Variants in ACAD8 observed in about 807,000 individuals in gnomAD.
ACAD8 encodes isobutyryl-CoA dehydrogenase, mitochondrial.
ACAD8 carries 47 observed loss-of-function variants against 53.1 expected under a neutral mutation model. The ratio of observed to expected loss-of-function variants is 0.89; its 90% CI spans 0.70 to 1.13. The LOEUF (loss-of-function observed/expected upper bound fraction) is 1.13. Ranked by LOEUF, ACAD8 falls within the 50% of genes most tolerant of loss-of-function variation. ACAD8 has a pLI of 0.00. For synonymous variants in ACAD8, 198 were observed against 201.3 expected (o/e 0.98, Z 0.14); for missense variants, 494 against 535.0 (o/e 0.92, Z 0.76).
chr11:134,255,107 T>A (rs1366304853), intron 1 of ACAD8, among the ~76,000 whole-genome samples: 2 of 152,234 alleles, frequency 1.3e-5, no homozygotes, highest in Non-Finnish European at 2.9e-5. Context: ...TTGCTAGGAT[T>A]GAAATAGTCA....
chr11:134,256,598 G>A lies in ACAD8; in HGVS notation c.160G>A (p.Asp54Asn). ...GAAAGAATTTCAAAAAGTGGCCTTT[G>A]ACTTTGCTGCCCGAGAGATGGCTCC... is the stretch of plus-strand genomic sequence containing the variant. ...EQKEFQKVAF[D>N]FAAREMAPNM... Residue 54 changes from aspartate (D) to asparagine (N), a missense_variant, in exon 2 of 11, where the codon GAC becomes AAC. Physicochemically the swap from Asp to Asn is conservative, Grantham distance 23 (BLOSUM62 1). Transcript: ENST00000281182. 1 of 1,614,200 alleles carries A rather than the reference G, an allele frequency of 6.2e-7. No homozygotes were observed. Among genetic ancestry groups the A allele is most frequent in the Non-Finnish European group, 8.5e-7 (1 of 1,180,034 alleles).
rs7943666 is a variant in ACAD8 at position 134,261,615 on chromosome 11, A to G, written c.940-123A>G. On this transcript the variant is annotated intron_variant, in intron 8 of 10. Transcript: ENST00000281182. This position sits in a 1 kb window ranked among gnomAD's most constrained non-coding sequence, Gnocchi z 4.2. The stretch of plus-strand genomic sequence containing the variant: ...ATAAATTTCCTCTATAGAAAAAGCA[A>G]GAGACTTTGAAGCTTTGGATCACTT... 0.078 allele frequency: 121,439 copies of G among 1,561,716 alleles called. 5,132 individuals carry two copies. Among genetic ancestry groups the G allele is most frequent in the Middle Eastern group, 0.089 (536 of 6,006 alleles).
intron 2 of ACAD8, 94 bp downstream of exon 2, chr11:134,256,742 C>T (rs1939550934): frequency 6.3e-6 from 7 of 1,109,900 alleles, no homozygotes; most frequent in South Asian, 3.0e-5. Flanking sequence ...TTAAATGTCT[C>T]CTCCACTTAC....
chr11:134,259,220 TTC>T (rs1196201366), intron 5 of ACAD8, 136 bp downstream of exon 5: 1 of 787,422 alleles, frequency 1.3e-6, no homozygotes, highest in Admixed American at 2.0e-5. Context: ...TCTGACCCAT[TTC>T]TCTTTCTTTA....
Position 134,259,623 on chromosome 11 carries a change from G to A in ACAD8, c.583G>A (p.Ala195Thr). 6 of 1,614,184 alleles carry A rather than the reference G, an allele frequency of 3.7e-6. No individual in the cohort carries two copies. Among genetic ancestry groups the A allele is most frequent in the Non-Finnish European group, 5.1e-6 (6 of 1,180,032 alleles). The change falls in exon 6 of 11, where the codon GCT becomes ACT. Residue 195 changes from alanine (A) to threonine (T), a missense_variant. Ala to Thr is a moderately conservative substitution (Grantham distance 58). Transcript: ENST00000281182. ...ACCCCCACAGGCCTTCATCAGTGGT[G>A]CTGGTGAGTCAGACATCTATGTGGT... ...LNGSKAFISG[A>T]GESDIYVVMC...
intron 3 of ACAD8, chr11:134,257,651 G>A (rs985864070): frequency 1.2e-4 from 35 of 296,264 alleles, no homozygotes; most frequent in African/African-American, 7.4e-4. Flanking sequence ...CAGCCTGGGC[G>A]ACAGAGCGAG....
intron 3 of ACAD8, chr11:134,257,996 C>T (rs1438607861): frequency 1.0e-5 from 2 of 194,168 alleles, no homozygotes; most frequent in African/African-American, 2.4e-5. Context: ...ATTACAGGCA[C>T]GTGCCACCAC....
rs1940135077 is a variant in ACAD8, at chr11:134,265,720, C to A, written c.*760C>A. On this transcript the variant is annotated 3_prime_UTR_variant, in exon 11 of 11. Coordinates refer to ENST00000281182, the MANE Select transcript of ACAD8 (RefSeq NM_014384.3). Reference sequence around the variant, plus strand: ...TCCTCCTTTTAAATATTTTTAATCACATTGATAAAATCTATCCTTCACCAC... The same window carrying A: ...TCCTCCTTTTAAATATTTTTAATCAAATTGATAAAATCTATCCTTCACCAC... 6.6e-6 allele frequency: 1 copy of A among 152,136 alleles called. No individual in the cohort carries two copies. The highest frequency in any genetic ancestry group is 6.5e-5 in the Admixed American group (1 of 15,274). 9.4% of individuals were successfully genotyped at this position (152,136 alleles called of 1,614,324 possible).
intron 1 of ACAD8, 141 bp from the exon 2 acceptor site, chr11:134,256,407 C>A: frequency 1.4e-6 from 1 of 697,446 alleles, no homozygotes; most frequent in Non-Finnish European, 2.6e-6. Context: ...AGCTGCCATT[C>A]TCTAGCTGTT....
chr11:134,257,123 C>T lies in ACAD8; in HGVS notation c.246C>T (p.Ala82=). 1 of 1,614,148 alleles carries T rather than the reference C, an allele frequency of 6.2e-7. No homozygotes were observed. The change falls in exon 3 of 11, where the codon GCC becomes GCT. Residue 82 remains alanine (A), a synonymous_variant. Transcript: ENST00000281182. ...CAGTGGATGTGATGCGGAAGGCAGC[C>T]CAGCTAGGCTTCGGAGGGGTCTACA... is the stretch of plus-strand genomic sequence containing the variant. ...LFPVDVMRKA[A]QLGFGGVYIQ...
Position 134,258,561 on chromosome 11 carries a change from C to T in ACAD8, c.427C>T (p.His143Tyr). The change falls in exon 4 of 11, where the codon CAC (histidine) becomes TAC (tyrosine). Residue 143 changes from histidine (H) to tyrosine (Y), a missense_variant. By Grantham distance (83) the His-to-Tyr change is moderately conservative. Coordinates refer to ENST00000281182, the MANE Select transcript of ACAD8 (RefSeq NM_014384.3). Reference protein sequence around the residue: ...IDSFGNEEQRHKFCPPLCTME... With the variant: ...IDSFGNEEQRYKFCPPLCTME... ...TAGCTTCGGAAATGAGGAACAGAGG[C>T]ACAAATTTTGCCCACCGCTCTGTAC... The T allele has an allele frequency of 1.2e-6, 2 of 1,613,990 alleles. No individual in the cohort carries two copies. The highest frequency in any genetic ancestry group is 4.5e-5 in the East Asian group (2 of 44,874).
In ACAD8 at chr11:134,256,544, A is replaced by G. The variant is rs775522071; in HGVS notation, c.110-4A>G. The G allele has an allele frequency of 7.4e-6, 12 of 1,613,808 alleles. No homozygotes were observed. The highest frequency in any genetic ancestry group is 1.0e-5 in the Non-Finnish European group (12 of 1,179,668). On this transcript the variant is annotated splice_region_variant and splice_polypyrimidine_tract_variant and intron_variant, in intron 1 of 10. Coordinates refer to ENST00000281182, the MANE Select transcript of ACAD8 (RefSeq NM_014384.3). ...TAGAACAGTATATGCAATCCTGCCC[A>G]CAGCTTCCATGGGACTTAATGAAGA...
Position 134,253,699 on chromosome 11 carries a change from C to T in ACAD8, c.99C>T (p.Ser33=), listed in dbSNP as rs886048021. The change falls in exon 1 of 11, where the codon TCC becomes TCT. Residue 33 remains serine (S), a synonymous_variant. Coordinates refer to ENST00000281182, the MANE Select transcript of ACAD8 (RefSeq NM_014384.3). ...AGACCGGCCACCGGAGCTTGACCTC[C>T]TGCATCGACCGTAAGGATCTCCTGG... is the stretch of plus-strand genomic sequence containing the variant. The part of the protein sequence containing the change: ...LVQTGHRSLT[S]CIDPSMGLNE... 7 of 1,598,064 alleles carry T rather than the reference C, an allele frequency of 4.4e-6. No homozygotes were observed. Among genetic ancestry groups the T allele is most frequent in the Non-Finnish European group, 5.1e-6 (6 of 1,173,372 alleles).
intron 4 of ACAD8, 62 bp downstream of exon 4, chr11:134,258,686 T>TCTTCCTGCTCAGATGGC: frequency 8.2e-7 from 1 of 1,215,114 alleles, no homozygotes; most frequent in Non-Finnish European, 1.2e-6. Flanking sequence ...CAGATGGCAT[T>TCTTCCTGCTCAGATGGC]ACCGAGCACT....
Position 134,265,007 on chromosome 11 carries a change from G to A in ACAD8, c.*47G>A. ...GGTGTTCAGTGCGACTGCAGTCAGT[G>A]TTGAGTGGTGCCATGTGGGCCGCTC... On this transcript the variant is annotated 3_prime_UTR_variant, in exon 11 of 11. Coordinates refer to ENST00000281182, the MANE Select transcript of ACAD8 (RefSeq NM_014384.3). The A allele has an allele frequency of 6.3e-7, 1 of 1,591,810 alleles. No homozygotes were observed. Among genetic ancestry groups the A allele is most frequent in the Non-Finnish European group, 8.6e-7 (1 of 1,159,980 alleles).
At chr11:134,255,379 A>G (rs919064570) in intron 1 of ACAD8, among the ~76,000 whole-genome samples, 6 of 152,114 alleles carry the variant, frequency 3.9e-5, no homozygotes, top group Non-Finnish European at 5.9e-5. Flanking sequence ...CAAGTGATCC[A>G]CCTGCCTTGG....
rs1040014399 is a variant in ACAD8, at chr11:134,260,935, G to A, written c.706-109G>A. On this transcript the variant is annotated intron_variant, in intron 6 of 10. Coordinates refer to ENST00000281182, the MANE Select transcript of ACAD8 (RefSeq NM_014384.3). ...TTTTCCTCATTTTAAGTTCTTGTGG[G>A]TCTAAGTCTTGGGTGCTGAAACCCA... is the stretch of plus-strand genomic sequence containing the variant. 7 of 1,294,430 alleles carry A rather than the reference G, an allele frequency of 5.4e-6. No homozygotes were observed. The South Asian group carries it at 6.3e-5, about 12-fold the overall frequency. 80.2% of individuals were successfully genotyped at this position (1,294,430 alleles called of 1,614,324 possible).
intron 9 of ACAD8, chr11:134,262,176 A>G (rs1163474259): frequency 1.5e-6 from 1 of 657,852 alleles, no homozygotes; most frequent in Non-Finnish European, 2.8e-6. Flanking sequence ...CCAATTTAGC[A>G]CTCTGCCATG....
chr11:134,256,058 C>T (rs1239735516), intron 1 of ACAD8, among the ~76,000 whole-genome samples: 5 of 152,236 alleles, frequency 3.3e-5, no homozygotes, highest in Non-Finnish European at 2.9e-5. Flanking sequence ...AGGCATGCGC[C>T]ACCACACCCA....
Sources: allele counts gnomAD v4.1 joint callset (sites outside exome capture counted in the v4.1 genomes callset), GRCh38; gene constraint gnomAD v4.1.1; non-coding constraint Gnocchi (gnomAD v3.1); transcripts MANE v1.5; gene names NCBI Gene and HGNC (gene_info 2026-07-23, HGNC 2026-07-21).